Variants in RPRD1A observed in about 807,000 individuals in gnomAD.
The protein encoded by RPRD1A is regulation of nuclear pre-mRNA domain containing 1A.
RPRD1A carries 9 observed loss-of-function variants against 37.8 expected under a neutral mutation model. The observed-to-expected ratio is 0.24, with a 90% CI of 0.14 to 0.42. The LOEUF is 0.42. RPRD1A is among the 10% of genes least tolerant of loss of function. RPRD1A has a pLI of 1.00. For synonymous variants in RPRD1A, 138 were observed against 139.7 expected (o/e 0.99, Z 0.08); for missense variants, 255 against 371.0 (o/e 0.69, Z 2.57).
intron 6 of RPRD1A, among the ~76,000 whole-genome samples, chr18:36,002,455 G>A (rs903851213): frequency 2.6e-5 from 4 of 152,058 alleles, no homozygotes; most frequent in Admixed American, 6.5e-5. Flanking sequence ...TGTCACCCAG[G>A]CTGGAGTGCA....
At chr18:36,056,492 TG>T (rs1913777654) in intron 1 of RPRD1A, among the ~76,000 whole-genome samples, 1 of 152,268 alleles carries the variant, frequency 6.6e-6, no homozygotes, top group African/African-American at 2.4e-5. Flanking sequence ...TTCACCATGT[TG>T]GCTAGGCTGG....
At chr18:36,028,002 T>C (rs1911498287) in intron 4 of RPRD1A, 1 of 152,108 alleles carries the variant, frequency 6.6e-6, no homozygotes, top group Non-Finnish European at 1.5e-5. Flanking sequence ...CAAGCTATAA[T>C]TAGGAGGGAA....
At chr18:36,053,930 T>C (rs1194425060) in intron 1 of RPRD1A, among the ~76,000 whole-genome samples, 1 of 151,998 alleles carries the variant, frequency 6.6e-6, no homozygotes, top group Non-Finnish European at 1.5e-5. Context: ...GTTCTGAGCA[T>C]AGGCAACTAG....
intron 6 of RPRD1A, among the ~76,000 whole-genome samples, chr18:36,002,418 C>A (rs531256332): frequency 5.3e-5 from 8 of 152,196 alleles, no homozygotes; most frequent in East Asian, 1.9e-4. Context: ...CAAACACATT[C>A]TTATTATTTT....
At chr18:36,004,591 T>C (rs193117468) in intron 6 of RPRD1A, among the ~76,000 whole-genome samples, 7 of 152,296 alleles carry the variant, frequency 4.6e-5, no homozygotes, top group Non-Finnish European at 7.4e-5. Context: ...CCATTTGTTA[T>C]GTAGGCCTAG....
At chr18:36,009,471 G>T (rs1910033728) in intron 6 of RPRD1A, among the ~76,000 whole-genome samples, 1 of 152,168 alleles carries the variant, frequency 6.6e-6, no homozygotes, top group South Asian at 2.1e-4. Context: ...GAACGTTTGT[G>T]TGAATGCTTC....
chr18:36,021,836 CA>C (rs1264081424), intron 6 of RPRD1A, among the ~76,000 whole-genome samples: 2 of 152,040 alleles, frequency 1.3e-5, no homozygotes, highest in East Asian at 1.9e-4. Flanking sequence ...CCTGTCTCTA[CA>C]AAAAAATTTT....
chr18:36,057,120 C>T (rs1224870396), intron 1 of RPRD1A, among the ~76,000 whole-genome samples: 2 of 146,084 alleles, frequency 1.4e-5, no homozygotes, highest in Non-Finnish European at 3.0e-5. Context: ...GTCCTAGCTA[C>T]TCAGGAGGAT....
In RPRD1A at chr18:36,030,982, T is replaced by C. The variant is rs368866557; in HGVS notation, c.388+9A>G. 103 of 1,592,260 alleles carry C rather than the reference T, an allele frequency of 6.5e-5. No homozygotes were observed. In the African/African-American group the frequency reaches 1.2e-3, roughly 19 times the overall value. On this transcript the variant is annotated intron_variant, in intron 3 of 6. Coordinates refer to ENST00000399022, the MANE Select transcript of RPRD1A (RefSeq NM_018170.5). ...AGATCAAGGTAAGAGATCAGGATTC[T>C]ACACTTACACAGAGCTTGTTTAAGT...
At chr18:36,066,334 A>C (rs2089030769) in intron 1 of RPRD1A, among the ~76,000 whole-genome samples, 1 of 152,244 alleles carries the variant, frequency 6.6e-6, no homozygotes, top group Non-Finnish European at 1.5e-5. Context: ...GCAAGCGTCT[A>C]TTTTGATTAA....
intron 6 of RPRD1A, among the ~76,000 whole-genome samples, chr18:36,023,179 G>A (rs1911127905): frequency 6.6e-6 from 1 of 152,198 alleles, no homozygotes; most frequent in Non-Finnish European, 1.5e-5. Context: ...TATCGGCAAA[G>A]TAACTGAAAA....
At chr18:36,053,471 C>T (rs1913541652) in intron 1 of RPRD1A, among the ~76,000 whole-genome samples, 1 of 152,106 alleles carries the variant, frequency 6.6e-6, no homozygotes, top group African/African-American at 2.4e-5. Context: ...TGAGGTTGCT[C>T]CACACTGTAG....
chr18:36,024,557 C>G (rs1376297060), intron 6 of RPRD1A, among the ~76,000 whole-genome samples: 1 of 152,124 alleles, frequency 6.6e-6, no homozygotes, highest in African/African-American at 2.4e-5. Context: ...TGTTTTCATT[C>G]ATTACACATG....
chr18:36,027,920 A>G (rs984997671), intron 4 of RPRD1A: 4 of 152,148 alleles, frequency 2.6e-5, no homozygotes, highest in Non-Finnish European at 4.4e-5. Context: ...TAATCTGATG[A>G]CTAATATATA....
intron 6 of RPRD1A, among the ~76,000 whole-genome samples, chr18:35,999,136 C>G (rs1190455177): frequency 6.6e-6 from 1 of 152,006 alleles, no homozygotes; most frequent in African/African-American, 2.4e-5. Context: ...AATTTCATAC[C>G]CATAATTAGA....
intron 6 of RPRD1A, among the ~76,000 whole-genome samples, chr18:36,016,539 T>C (rs1301840938): frequency 1.3e-5 from 2 of 152,100 alleles, no homozygotes; most frequent in African/African-American, 4.8e-5. Context: ...GTTAAAACTG[T>C]AACTAACTCA....
At position 36,062,319 on chromosome 18, in the gene RPRD1A, G is replaced by A. The variant is rs528662719; in HGVS notation, c.151+4935C>T. Among the ~76,000 whole-genome samples, 38 of 88,790 alleles carry A rather than the reference G, an allele frequency of 4.3e-4. No individual in the cohort carries two copies. The South Asian group carries it at 0.013, about 31-fold the overall frequency. The allele number at this position is 88,790 out of a possible 152,430, so 58.2% of individuals were successfully genotyped here. On this transcript the variant is annotated intron_variant, in intron 1 of 6. Coordinates refer to ENST00000399022, the MANE Select transcript of RPRD1A (RefSeq NM_018170.5). ...GGCCTGGGCGACAGAGCGAGACTCC[G>A]TCTCAAAAAAAAAAAAAAAAAAAAA...
intron 6 of RPRD1A, among the ~76,000 whole-genome samples, chr18:36,019,883 C>T (rs1306360664): frequency 6.6e-6 from 1 of 152,110 alleles, no homozygotes; most frequent in South Asian, 2.1e-4. Context: ...CTACTAAAAA[C>T]ACAAAAATTA....
intron 6 of RPRD1A, among the ~76,000 whole-genome samples, chr18:36,021,185 C>T (rs1910968918): frequency 1.3e-5 from 2 of 152,120 alleles, no homozygotes; most frequent in African/African-American, 4.8e-5. Context: ...CAAATACAGC[C>T]ATACCTCGTT....
Sources: gnomAD v4.1 joint callset for allele counts (sites outside exome capture counted in the v4.1 genomes callset) on GRCh38, gnomAD v4.1.1 for gene constraint, MANE v1.5 for transcripts, NCBI Gene and HGNC (gene_info 2026-07-23, HGNC 2026-07-21) for gene names.